DMD: variants seen among roughly 807,000 people sequenced by gnomAD.
DMD encodes dystrophin.
A neutral mutation model predicts 330.1 loss-of-function variants in DMD; 63 were observed. The observed-to-expected ratio is 0.19, with a 90% CI of 0.16 to 0.24. DMD has a LOEUF of 0.24. Among genes scored for constraint, DMD ranks in the 10% least tolerant of loss-of-function variants. DMD has a pLI of 1.00. For synonymous variants in DMD, 1,223 were observed against 959.8 expected, an observed-to-expected ratio of 1.27 and a Z score of -5.07; for missense variants, 3,344 against 2,684.1, an observed-to-expected ratio of 1.25 and a Z score of -5.43.
At chrX:32,976,114 G>A (rs751124128) in intron 2 of DMD, among the ~76,000 whole-genome samples, 4 of 111,031 alleles carry the variant, frequency 3.6e-5, no homozygotes, top group East Asian at 5.7e-4. Context: ...CCAGCTACTC[G>A]GGAGGCTGAG....
At chrX:31,498,802 G>C (rs923895707) in intron 56 of DMD, among the ~76,000 whole-genome samples, 1 of 112,039 alleles carries the variant, frequency 8.9e-6, no homozygotes, top group Admixed American at 9.5e-5. Context: ...CAGACTCTAA[G>C]GGTATTATTT....
chrX:32,479,368 C>T (rs2041585208), intron 21 of DMD, among the ~76,000 whole-genome samples: 1 of 111,012 alleles, frequency 9.0e-6, no homozygotes, highest in Non-Finnish European at 1.9e-5. Flanking sequence ...CTAGAGATCG[C>T]TACAATTTAT....
chrX:31,836,365 GATTTGAATTAAACCAAACA>G (rs1340576625), intron 49 of DMD, among the ~76,000 whole-genome samples: 13 of 112,053 alleles, frequency 1.2e-4, no homozygotes, highest in African/African-American at 4.2e-4. Context: ...GCAGTAGCTT[GATTTGAATTAAACCAAACA>G]ATATGAAAAG....
At chrX:32,314,914 A>T (rs1266213635) in intron 41 of DMD, among the ~76,000 whole-genome samples, 1 of 111,938 alleles carries the variant, frequency 8.9e-6, no homozygotes, top group Non-Finnish European at 1.9e-5. Flanking sequence ...ATGTGGAGAA[A>T]TAGGAACTCT....
At chrX:32,414,835 A>C (rs1393891958) in intron 29 of DMD, among the ~76,000 whole-genome samples, 2 of 112,244 alleles carry the variant, frequency 1.8e-5, no homozygotes, top group Non-Finnish European at 3.8e-5. Context: ...TTCTGTATCC[A>C]AGATTGGTGA....
Position 31,173,599 on chromosome X carries a change from G to C in DMD, c.10268C>G (p.Ala3423Gly). ...ATCGTGTGAAAGCTGAGGGGACGAG[G>C]CAGGCCTATAAGGCAGAAAATGTGA... The part of the protein sequence containing the change: ...INFWPVDSAP[A>G]SSPQLSHDDT... The change falls in exon 72 of 79, where the codon GCC (alanine) becomes GGC (glycine). Residue 3423 changes from alanine to glycine, a missense_variant. Transcript: ENST00000357033. 1 of 1,209,158 alleles carries C rather than the reference G, an allele frequency of 8.3e-7. No individual in the cohort carries two copies. Among genetic ancestry groups the C allele is most frequent in the Non-Finnish European group, 1.1e-6 (1 of 893,718 alleles).
chrX:32,280,958 G>T (rs527596282), intron 43 of DMD, among the ~76,000 whole-genome samples: 1 of 112,401 alleles, frequency 8.9e-6, no homozygotes, highest in South Asian at 3.7e-4. Flanking sequence ...TGAATACAGA[G>T]ACGATTAGGG....
In DMD at chrX:31,120,526, A is replaced by T. The variant is rs767372350; in HGVS notation, c.*1393T>A. 103 of 112,317 alleles carry T rather than the reference A, an allele frequency of 9.2e-4. No homozygotes were observed. Among genetic ancestry groups the T allele is most frequent in the African/African-American group, 3.2e-3 (98 of 30,972 alleles). 9.3% of individuals were successfully genotyped at this position (112,317 alleles called of 1,213,427 possible). On this transcript the variant is annotated 3_prime_UTR_variant, in exon 79 of 79. Coordinates refer to ENST00000357033, the MANE Select transcript of DMD (RefSeq NM_004006.3). ...TTAAATTATGTCTTGTGGCATTTAAAAACTCATCCCACATGGGACAATAAA... is the reference window on the plus strand; with the variant it reads ...TTAAATTATGTCTTGTGGCATTTAATAACTCATCCCACATGGGACAATAAA...
intron 19 of DMD, among the ~76,000 whole-genome samples, chrX:32,494,520 A>G (rs183649913): frequency 9.0e-6 from 1 of 111,236 alleles, no homozygotes; most frequent in East Asian, 2.8e-4. Context: ...ATTTCACTGG[A>G]TCTTGTTTTT....
chrX:31,170,433 G>T (rs1259755817), intron 73 of DMD, among the ~76,000 whole-genome samples: 3 of 110,791 alleles, frequency 2.7e-5, no homozygotes, highest in African/African-American at 9.8e-5. Context: ...TTTTCTGAAT[G>T]CATTGCTCCA....
intron 1 of DMD, among the ~76,000 whole-genome samples, chrX:33,176,583 T>TGCGC (rs776270210): frequency 9.1e-6 from 1 of 109,674 alleles, no homozygotes; most frequent in African/African-American, 3.4e-5. Flanking sequence ...TGTGTGTGTG[T>TGCGC]GCGCTCATGT....
At chrX:32,854,477 T>C (rs1484654391) in intron 2 of DMD, among the ~76,000 whole-genome samples, 4 of 110,203 alleles carry the variant, frequency 3.6e-5, no homozygotes, top group African/African-American at 1.3e-4. Flanking sequence ...AGTTATAAAA[T>C]TTCTTGAAAC....
chrX:32,320,055 C>A (rs2097604110), intron 41 of DMD, among the ~76,000 whole-genome samples: 1 of 110,805 alleles, frequency 9.0e-6, no homozygotes, highest in African/African-American at 3.3e-5. Context: ...ATAAAAGTAA[C>A]ACAAGAAAAA....
rs189014094 is a variant in DMD at position 33,203,778 on chromosome X, C to T, written c.31+7504G>A. On this transcript the variant is annotated intron_variant, in intron 1 of 78. Coordinates refer to ENST00000357033, the MANE Select transcript of DMD (RefSeq NM_004006.3). ...CTCCATGAGTTGCATATTTAAATCC[C>T]TAATAATGACTTCATTTCTAGGCAC... 6.4e-5 allele frequency among the ~76,000 whole-genome samples: 7 copies of T among 109,689 alleles called. No individual in the cohort carries two copies. In the East Asian group the frequency reaches 2.0e-3, roughly 32 times the overall value.
intron 18 of DMD, among the ~76,000 whole-genome samples, chrX:32,511,942 A>G (rs762528778): frequency 8.9e-6 from 1 of 112,059 alleles, no homozygotes; most frequent in South Asian, 3.7e-4. Flanking sequence ...AATTTCAAGT[A>G]AAGTATACAG....
intron 63 of DMD, among the ~76,000 whole-genome samples, chrX:31,256,152 C>T (rs1371322888): frequency 9.0e-6 from 1 of 111,472 alleles, no homozygotes; most frequent in East Asian, 2.8e-4. Flanking sequence ...CTCTTATATC[C>T]CACTTACTCC....
At chrX:32,285,157 AT>A (rs2097435013) in intron 43 of DMD, among the ~76,000 whole-genome samples, 1 of 112,380 alleles carries the variant, frequency 8.9e-6, no homozygotes, top group African/African-American at 3.2e-5. Flanking sequence ...TGGTAGGTGT[AT>A]ATAGAAGCAC....
Position 32,592,007 on chromosome X carries a change from G to A in DMD, c.1602+3750C>T, listed in dbSNP as rs759775924. On this transcript the variant is annotated intron_variant, in intron 13 of 78. Coordinates refer to ENST00000357033, the MANE Select transcript of DMD (RefSeq NM_004006.3). ...CCCCCTGCTGCCTTGCGCCCGTCTG[G>A]ACTTTGGGCACTGATGAGCATGGGA... Among the ~76,000 whole-genome samples, 3 of 112,510 alleles carry A rather than the reference G, an allele frequency of 2.7e-5. No homozygotes were observed. The South Asian group carries it at 1.1e-3, about 42-fold the overall frequency.
At chrX:31,217,629 A>T (rs1269853132) in intron 64 of DMD, among the ~76,000 whole-genome samples, 2 of 112,079 alleles carry the variant, frequency 1.8e-5, no homozygotes, top group Non-Finnish European at 3.8e-5. Flanking sequence ...CGCAGACAAT[A>T]GCTCTTTATC....
Sources: allele counts gnomAD v4.1 joint callset (sites outside exome capture counted in the v4.1 genomes callset), GRCh38; gene constraint gnomAD v4.1.1; transcripts MANE v1.5; gene names NCBI Gene and HGNC (gene_info 2026-07-23, HGNC 2026-07-21).